Variants in GDPD1 observed in about 807,000 individuals in gnomAD.
The protein encoded by GDPD1 is glycerophosphodiester phosphodiesterase domain containing 1.
GDPD1 carries 28 observed loss-of-function variants against 45.1 expected under a neutral mutation model. The observed-to-expected ratio is 0.62, with a 90% CI of 0.46 to 0.85. The LOEUF is 0.85. GDPD1 is among the 40% of genes least tolerant of loss of function. The pLI, the probability that GDPD1 is intolerant of heterozygous loss-of-function variation, is 0.00. For synonymous variants in GDPD1, 139 were observed against 131.4 expected (o/e 1.06, Z -0.40); for missense variants, 256 against 364.8 (o/e 0.70, Z 2.43).
chr17:59,236,421 A>T (rs8081408), intron 2 of GDPD1, among the ~76,000 whole-genome samples: 52,719 of 152,046 alleles, frequency 0.35, 11,690 homozygotes, highest in African/African-American at 0.63. Flanking sequence ...ACTTAAAAAA[A>T]ATTTTTTGGA....
chr17:59,274,881 G>A lies in GDPD1; in HGVS notation c.*1108G>A, dbSNP rs1480392977. On this transcript the variant is annotated 3_prime_UTR_variant, in exon 10 of 10. Coordinates refer to ENST00000284116, the MANE Select transcript of GDPD1 (RefSeq NM_182569.4). ...TTTTGACATGTAGTCTTGCTCTGTC[G>A]CCGAGGCCGGAGTGCAGTGGTGCGA... Among the ~76,000 whole-genome samples, 5 of 145,336 alleles carry A rather than the reference G, an allele frequency of 3.4e-5. No homozygotes were observed. The highest frequency in any genetic ancestry group is 4.3e-4 in the South Asian group (2 of 4,600).
chr17:59,251,914 G>C (rs1568345343), intron 4 of GDPD1, among the ~76,000 whole-genome samples: 1 of 150,808 alleles, frequency 6.6e-6, no homozygotes, highest in East Asian at 1.9e-4. Context: ...AGGCTGAGGT[G>C]GGGGGATTGC....
intron 9 of GDPD1, chr17:59,273,164 G>A (rs1268903446): frequency 6.2e-6 from 1 of 160,142 alleles, no homozygotes; most frequent in Non-Finnish European, 1.3e-5. Flanking sequence ...GTCTCACTCT[G>A]TCACCCAGGC....
chr17:59,260,801 ATTTC>A (rs1488093540), intron 6 of GDPD1: 1 of 152,162 alleles, frequency 6.6e-6, no homozygotes, highest in African/African-American at 2.4e-5. Flanking sequence ...CCAGTTACAG[ATTTC>A]TTTATTTCTC....
intron 1 of GDPD1, among the ~76,000 whole-genome samples, chr17:59,228,686 C>A (rs1387180570): frequency 6.6e-6 from 1 of 151,508 alleles, no homozygotes; most frequent in Non-Finnish European, 1.5e-5. Context: ...AGTTTGAGAC[C>A]AGCCTGGGCA....
At position 59,275,756 on chromosome 17, in the gene GDPD1, T is replaced by A. The variant is rs966705145; in HGVS notation, c.*1983T>A. 1 of 152,416 alleles carries A rather than the reference T, an allele frequency of 6.6e-6. No individual in the cohort carries two copies. Among genetic ancestry groups the A allele is most frequent in the Non-Finnish European group, 1.5e-5 (1 of 68,176 alleles). The allele number at this position is 152,416 out of a possible 1,614,324, so 9.4% of individuals were successfully genotyped here. ...TATCTGAGGTGACTTCGTGTACATC[T>A]GTTTCTAATATATTTGACTAATTTT... On this transcript the variant is annotated 3_prime_UTR_variant, in exon 10 of 10. Transcript: ENST00000284116.
At chr17:59,272,734 A>T in intron 8 of GDPD1, 51 bp from the exon 9 acceptor site, 1 of 1,045,828 alleles carries the variant, frequency 9.6e-7, no homozygotes, top group Non-Finnish European at 1.5e-6. Flanking sequence ...AATTGACTAA[A>T]TTAGGACTAA....
At chr17:59,243,971 C>T (rs1323678391) in intron 2 of GDPD1, among the ~76,000 whole-genome samples, 1 of 152,106 alleles carries the variant, frequency 6.6e-6, no homozygotes, top group African/African-American at 2.4e-5. Context: ...TAGAGGTCTG[C>T]AGCAACCTCA....
rs1377755600 is a variant in GDPD1, at chr17:59,220,644, C to G, written c.35C>G (p.Thr12Arg). Residue 12 changes from threonine to arginine, a missense_variant, in exon 1 of 10, where the codon ACG (threonine) becomes AGG (arginine). By Grantham distance (71) the Thr-to-Arg change is moderately conservative. Transcript: ENST00000284116. ...ACTGCGGCTTTTTACCTTCTCTCTA[C>G]GCTAGGAGGATACTTGGTGACCTCA... ...SSTAAFYLLS[T>R]LGGYLVTSFL... 1.2e-6 allele frequency: 2 copies of G among 1,614,080 alleles called. No homozygotes were observed. Among genetic ancestry groups the G allele is most frequent in the South Asian group, 2.2e-5 (2 of 91,058 alleles).
At chr17:59,221,507 G>C (rs2047005008) in intron 1 of GDPD1, among the ~76,000 whole-genome samples, 1 of 146,196 alleles carries the variant, frequency 6.8e-6, no homozygotes, top group African/African-American at 2.6e-5. Flanking sequence ...ATTTTCAACA[G>C]ACTAAAAATG....
At chr17:59,248,864 A>G (rs1236343025) in intron 4 of GDPD1, 79 bp downstream of exon 4, 13 of 1,022,206 alleles carry the variant, frequency 1.3e-5, no homozygotes, top group Non-Finnish European at 1.8e-5. Flanking sequence ...AGTTCTTACT[A>G]AAAGTAACTG....
chr17:59,258,022 G>A (rs528887643), intron 6 of GDPD1, among the ~76,000 whole-genome samples, 182 bp downstream of exon 6: 17 of 151,998 alleles, frequency 1.1e-4, no homozygotes, highest in Non-Finnish European at 2.4e-4. Context: ...AAACTCCTGG[G>A]CTCAAGTGAT....
chr17:59,264,763 C>A (rs1448201681), intron 6 of GDPD1, among the ~76,000 whole-genome samples: 1 of 151,728 alleles, frequency 6.6e-6, no homozygotes, highest in Non-Finnish European at 1.5e-5. Context: ...AACAAAGGGG[C>A]AAAATAAATT....
chr17:59,256,545 A>G (rs1161250892), intron 4 of GDPD1, among the ~76,000 whole-genome samples: 1 of 152,236 alleles, frequency 6.6e-6, no homozygotes, highest in East Asian at 1.9e-4. Context: ...GCAAAACTTT[A>G]GAAACAATCT....
In GDPD1 at chr17:59,267,023, A is replaced by G; in HGVS notation, c.577-18A>G. 1 of 1,590,934 alleles carries G rather than the reference A, an allele frequency of 6.3e-7. No homozygotes were observed. The highest frequency in any genetic ancestry group is 8.6e-7 in the Non-Finnish European group (1 of 1,162,686). On this transcript the variant is annotated intron_variant, in intron 6 of 9. Transcript: ENST00000284116. ...AGCAGTTGTAAAAATAACATGTAAT[A>G]TTGCTTGTGTCTTTTAGAATTCAGA...
At chr17:59,254,310 G>A (rs1046273416) in intron 4 of GDPD1, among the ~76,000 whole-genome samples, 4 of 150,366 alleles carry the variant, frequency 2.7e-5, no homozygotes, top group Admixed American at 2.0e-4. Flanking sequence ...GCGATGAGCC[G>A]AGATGGCACC....
chr17:59,226,141 A>G (rs1486603306), intron 1 of GDPD1, among the ~76,000 whole-genome samples: 2 of 152,046 alleles, frequency 1.3e-5, no homozygotes, highest in Non-Finnish European at 2.9e-5. Flanking sequence ...TGTTCTTTTA[A>G]TTTCTTTGCT....
At position 59,231,390 on chromosome 17, in the gene GDPD1, G is replaced by A. The variant is rs186742750; in HGVS notation, c.143-3102G>A. On this transcript the variant is annotated intron_variant, in intron 1 of 9. Transcript: ENST00000284116. Reference sequence around the variant, plus strand: ...CGCCCAGGCTGGAGTGCAGTGGCACGATCTCAGCTCACTGCAAGCTCTGCC... The same window carrying A: ...CGCCCAGGCTGGAGTGCAGTGGCACAATCTCAGCTCACTGCAAGCTCTGCC... 4.7e-3 allele frequency among the ~76,000 whole-genome samples: 647 copies of A among 137,622 alleles called. 9 individuals carry two copies. The highest frequency in any genetic ancestry group is 0.017 in the African/African-American group (604 of 35,374). The allele number at this position is 137,622 out of a possible 152,430, so 90.3% of individuals were successfully genotyped here. A position where few individuals can be genotyped will look rare whatever the true frequency, so the allele number is the denominator to read the frequency against.
intron 1 of GDPD1, among the ~76,000 whole-genome samples, chr17:59,229,940 C>T (rs2047076397): frequency 6.6e-6 from 1 of 152,138 alleles, no homozygotes; most frequent in Non-Finnish European, 1.5e-5. Context: ...GTGCCAAGAC[C>T]TATATGCATT....
Sources: allele counts gnomAD v4.1 joint callset (sites outside exome capture counted in the v4.1 genomes callset), GRCh38; gene constraint gnomAD v4.1.1; transcripts MANE v1.5; gene names NCBI Gene and HGNC (gene_info 2026-07-23, HGNC 2026-07-21).